CACNA2D4: variants seen among roughly 807,000 people sequenced by gnomAD.
CACNA2D4 encodes the protein calcium voltage-gated channel auxiliary subunit alpha2delta 4.
A neutral mutation model predicts 163.8 loss-of-function variants in CACNA2D4; 157 were observed. The ratio of observed to expected loss-of-function variants is 0.96; its 90% CI spans 0.84 to 1.09. The LOEUF (loss-of-function observed/expected upper bound fraction) is 1.09. Ranked by LOEUF, CACNA2D4 falls within the 50% of genes least tolerant of loss-of-function variation. The pLI, the probability that CACNA2D4 is intolerant of heterozygous loss-of-function variation, is 0.00. For missense variants in CACNA2D4, 1,410 were observed against 1,479.9 expected, an observed-to-expected ratio of 0.95 and a Z score of 0.78; for synonymous variants, 598 against 586.9, an observed-to-expected ratio of 1.02 and a Z score of -0.27.
chr12:1,886,096 A>T, intron 8 of CACNA2D4, 57 bp from the exon 9 acceptor site: 1 of 1,555,496 alleles, frequency 6.4e-7, no homozygotes, highest in Non-Finnish European at 8.9e-7. Flanking sequence ...ATCAGGTTGC[A>T]AAGTCCAGGC....
At position 1,879,837 on chromosome 12, in the gene CACNA2D4, C is replaced by T. The variant is rs772384620; in HGVS notation, c.1530G>A (p.Val510=). ...TCTTCTTGCTGAAGACTGGCATGGCCACAGTGGTGAGCAGTGTCAGGCTCT... is the reference window on the plus strand; with the variant it reads ...TCTTCTTGCTGAAGACTGGCATGGCTACAGTGGTGAGCAGTGTCAGGCTCT... ...QAQSLTLLTT[V]AMPVFSKKNE... The change falls in exon 14 of 38, where the codon GTG becomes GTA. Residue 510 remains valine (V), a synonymous_variant. Coordinates refer to ENST00000382722, the MANE Select transcript of CACNA2D4 (RefSeq NM_172364.5). 2.5e-6 allele frequency: 4 copies of T among 1,603,640 alleles called. No homozygotes were observed. The highest frequency in any genetic ancestry group is 2.6e-6 in the Non-Finnish European group (3 of 1,175,270).
chr12:1,877,618 G>C (rs571950702), intron 16 of CACNA2D4, among the ~76,000 whole-genome samples: 1 of 152,190 alleles, frequency 6.6e-6, no homozygotes, highest in South Asian at 2.1e-4. Context: ...TAAGTTCTCC[G>C]GAAGGTGCTC....
chr12:1,828,080 G>T lies in CACNA2D4; in HGVS notation c.2551+12659C>A. On this transcript the variant is annotated intron_variant, in intron 26 of 37. Transcript: ENST00000382722. The surrounding 1 kb of genome is among the most constrained non-coding windows in gnomAD (Gnocchi z 4.2). ...CAGTGCTCCTCCCTCCCTCAGGACTGACAGGCGGCGCACCCAGGGGCTCCT... is the reference window on the plus strand; with the variant it reads ...CAGTGCTCCTCCCTCCCTCAGGACTTACAGGCGGCGCACCCAGGGGCTCCT... 1.4e-6 allele frequency: 2 copies of T among 1,420,414 alleles called. No individual in the cohort carries two copies. Among genetic ancestry groups the T allele is most frequent in the South Asian group, 2.9e-5 (2 of 69,250 alleles). The allele number at this position is 1,420,414 out of a possible 1,614,324, so 88.0% of individuals were successfully genotyped here.
chr12:1,825,341 T>TATC (rs1324131499), intron 26 of CACNA2D4, among the ~76,000 whole-genome samples: 1 of 152,194 alleles, frequency 6.6e-6, no homozygotes, highest in Non-Finnish European at 1.5e-5. Flanking sequence ...CTCCACTACC[T>TATC]ATCTGCCTGC....
At chr12:1,885,912 C>T (rs1866128233) in intron 9 of CACNA2D4, 53 bp downstream of exon 9, 2 of 1,317,482 alleles carry the variant, frequency 1.5e-6, no homozygotes, top group East Asian at 4.7e-5. Context: ...CAACCGCCCA[C>T]CATCCAGACA....
At position 1,853,997 on chromosome 12, in the gene CACNA2D4, C is replaced by T. The variant is rs957880778; in HGVS notation, c.2200G>A (p.Ala734Thr). The T allele has an allele frequency of 1.2e-6, 2 of 1,612,952 alleles. No individual in the cohort carries two copies. The highest frequency in any genetic ancestry group is 1.7e-4 in the Middle Eastern group (1 of 6,054). The change falls in exon 23 of 38, where the codon GCC becomes ACC. Residue 734 changes from alanine (A) to threonine (T), a missense_variant. Transcript: ENST00000382722. ...GCTGTCCAGTAGGCTTCCATGGGGG[C>T]TGTCACCACCGCGTCAAACAGCACC... ...REVLFDAVVT[A>T]PMEAYWTALA...
intron 23 of CACNA2D4, among the ~76,000 whole-genome samples, chr12:1,849,322 C>T (rs758164): frequency 0.81 from 124,049 of 152,218 alleles, 50,801 homozygotes; most frequent in East Asian, 1. Flanking sequence ...ATCTCTTTTC[C>T]CTTTTGCTGA....
intron 27 of CACNA2D4, among the ~76,000 whole-genome samples, chr12:1,810,905 C>T (rs751977431): frequency 2.0e-4 from 30 of 152,162 alleles, no homozygotes; most frequent in Admixed American, 5.9e-4. Context: ...GTGCTGCATT[C>T]GGCAGGCCCT....
Position 1,883,156 on chromosome 12 carries a change from C to T in CACNA2D4, c.1352-156G>A, listed in dbSNP as rs556772998. ...GGAGCTGCTTCCCCACAGTTGTGTC[C>T]TTTACCCAGGGGCAGCCGCAGGCCA... On this transcript the variant is annotated intron_variant, in intron 12 of 37. Transcript: ENST00000382722. The surrounding 1 kb of genome is among the most constrained non-coding windows in gnomAD (Gnocchi z 4.5). Among the ~76,000 whole-genome samples the T allele has an allele frequency of 3.3e-5, 5 of 152,310 alleles. No individual in the cohort carries two copies. The highest frequency in any genetic ancestry group is 1.3e-4 in the Admixed American group (2 of 15,300).
intron 29 of CACNA2D4, chr12:1,809,623 T>C: frequency 1.4e-6 from 1 of 693,322 alleles, no homozygotes; most frequent in East Asian, 2.7e-5. Flanking sequence ...TATAAAAATA[T>C]TATTGTACTT....
chr12:1,861,705 A>G (rs1238810283), intron 18 of CACNA2D4, among the ~76,000 whole-genome samples: 1 of 151,846 alleles, frequency 6.6e-6, no homozygotes, highest in Admixed American at 6.6e-5. Flanking sequence ...GGCCTCCCAA[A>G]GTGGTGGGAT....
chr12:1,896,641 AC>A lies in CACNA2D4; in HGVS notation c.782-9573del, dbSNP rs1388350834. ...CACACACACACACACACACACACAC[AC>A]ACACACACACACAAAACAGATGCTA... On this transcript the variant is annotated intron_variant, in intron 6 of 37. Transcript: ENST00000382722. Among the ~76,000 whole-genome samples, 129 of 149,928 alleles carry A rather than the reference AC, an allele frequency of 8.6e-4. 4 individuals are homozygous for A. In the South Asian group the frequency reaches 0.01, roughly 12 times the overall value.
chr12:1,876,295 G>A (rs527327653), intron 16 of CACNA2D4, among the ~76,000 whole-genome samples: 38 of 152,332 alleles, frequency 2.5e-4, no homozygotes, highest in African/African-American at 8.9e-4. Context: ...GACAAGGACA[G>A]ATCAGTGCTT....
chr12:1,866,925 C>T (rs1385746738), intron 18 of CACNA2D4, among the ~76,000 whole-genome samples: 5 of 151,944 alleles, frequency 3.3e-5, no homozygotes, highest in Admixed American at 2.0e-4. Flanking sequence ...GAGCTACTGC[C>T]CCGGCCTGAA....
chr12:1,856,491 C>T (rs997364897), intron 20 of CACNA2D4, among the ~76,000 whole-genome samples: 1 of 152,236 alleles, frequency 6.6e-6, no homozygotes, highest in African/African-American at 2.4e-5. Flanking sequence ...ATGAGCTGCC[C>T]AGCCAGTGGG....
At chr12:1,866,842 A>G (rs1198174271) in intron 18 of CACNA2D4, among the ~76,000 whole-genome samples, 1 of 147,232 alleles carries the variant, frequency 6.8e-6, no homozygotes, top group African/African-American at 2.5e-5. Flanking sequence ...TATGTTGTCC[A>G]GGCTGGTCAC....
Position 1,878,961 on chromosome 12 carries a change from A to C in CACNA2D4, c.1639T>G (p.Tyr547Asp). Residue 547 changes from tyrosine to aspartate, a missense_variant, in exon 15 of 38, where the codon TAC becomes GAC. Tyr to Asp is a radical substitution (Grantham distance 160). Transcript: ENST00000382722. The surrounding 1 kb of genome is among the most constrained non-coding windows in gnomAD (Gnocchi z 4.6). ...LRELMKLAPR[Y>D]KLGVHGYAFL... ...GGGAACAGACCCAGGCTCACCTTGT[A>C]CCGGGGCGCCAGCTTCATCAGCTCT... The C allele has an allele frequency of 6.2e-7, 1 of 1,611,992 alleles. No homozygotes were observed.
At chr12:1,821,887 G>A (rs1864119160) in intron 26 of CACNA2D4, among the ~76,000 whole-genome samples, 1 of 152,062 alleles carries the variant, frequency 6.6e-6, no homozygotes, top group Non-Finnish European at 1.5e-5. Context: ...GGCTGTCAGG[G>A]CTACTTGGGC....
rs1863253809 is a variant in CACNA2D4, at chr12:1,799,932, G to A, written c.2974+68C>T. ...CACTGTCACCCACCCCACAGGGAAT[G>A]GTCTCACGTTAGTGGACCAAAATGC... On this transcript the variant is annotated intron_variant, in intron 33 of 37. Coordinates refer to ENST00000382722, the MANE Select transcript of CACNA2D4 (RefSeq NM_172364.5). The surrounding 1 kb of genome is among the most constrained non-coding windows in gnomAD (Gnocchi z 4.7). 1.3e-6 allele frequency: 2 copies of A among 1,504,724 alleles called. No homozygotes were observed. The highest frequency in any genetic ancestry group is 1.4e-5 in the African/African-American group (1 of 72,406). The allele number at this position is 1,504,724 out of a possible 1,614,324, so 93.2% of individuals were successfully genotyped here.
Sources: gnomAD v4.1 joint callset for allele counts (sites outside exome capture counted in the v4.1 genomes callset) on GRCh38, gnomAD v4.1.1 for gene constraint, Gnocchi (gnomAD v3.1) non-coding constraint, MANE v1.5 for transcripts, NCBI Gene and HGNC (gene_info 2026-07-23, HGNC 2026-07-21) for gene names.